Variants in TRPC7 observed in about 807,000 individuals in gnomAD.
The protein encoded by TRPC7 is short transient receptor potential channel 7.
A neutral mutation model predicts 90.1 loss-of-function variants in TRPC7; 42 were observed. The observed-to-expected ratio is 0.47, with a 90% CI of 0.36 to 0.60. TRPC7 has a LOEUF of 0.60. Among genes scored for constraint, TRPC7 ranks in the 20% least tolerant of loss-of-function variants. The probability of loss-of-function intolerance (pLI) is 0.00; values close to 1 mark genes in which losing one functional copy is unlikely to be tolerated. For missense variants in TRPC7, 955 were observed against 1,112.3 expected (o/e 0.86, Z 2.01); for synonymous variants, 451 against 436.3 (o/e 1.03, Z -0.42).
chr5:136,364,225 T>C (rs1469007820), intron 1 of TRPC7, among the ~76,000 whole-genome samples: 1 of 152,228 alleles, frequency 6.6e-6, no homozygotes, highest in Non-Finnish European at 1.5e-5. Context: ...TAGTTCTGAT[T>C]TTTTTCTGGG....
chr5:136,218,325 A>T (rs74614268), intron 10 of TRPC7, among the ~76,000 whole-genome samples: 2,137 of 151,968 alleles, frequency 0.014, 42 homozygotes, highest in African/African-American at 0.042. Context: ...ATGAAAAAAA[A>T]AATAACAAAA....
chr5:136,235,018 A>G (rs1326421896), intron 7 of TRPC7, among the ~76,000 whole-genome samples: 1 of 152,248 alleles, frequency 6.6e-6, no homozygotes, highest in Non-Finnish European at 1.5e-5. Flanking sequence ...AAACACTAGA[A>G]TAAAGTATTG....
intron 2 of TRPC7, among the ~76,000 whole-genome samples, chr5:136,345,833 G>A (rs545945840): frequency 1.2e-4 from 18 of 152,248 alleles, no homozygotes; most frequent in Non-Finnish European, 2.6e-4. Context: ...ATGGTTTTAA[G>A]TCTAACATTT....
In TRPC7 at chr5:136,247,624, C is replaced by T. The variant is rs1756383480; in HGVS notation, c.1691G>A (p.Ser564Asn). Residue 564 changes from serine (S) to asparagine (N), a missense_variant, in exon 7 of 12, where the codon AGT (serine) becomes AAT (asparagine). Coordinates refer to ENST00000513104, the MANE Select transcript of TRPC7 (RefSeq NM_020389.3). This position sits in a 1 kb window ranked among gnomAD's most constrained non-coding sequence, Gnocchi z 4.2. ...RIAYILPANE[S>N]FGPLQISLGR... ...TAGCGAGATCTGCAGGGGCCCAAAA[C>T]TCTCGTTGGCTGGCAGAATGTATGC... The T allele has an allele frequency of 6.2e-7, 1 of 1,614,024 alleles. No homozygotes were observed. Among genetic ancestry groups the T allele is most frequent in the African/African-American group, 1.3e-5 (1 of 75,060 alleles).
intron 2 of TRPC7, among the ~76,000 whole-genome samples, chr5:136,336,596 G>A (rs1375202821): frequency 6.6e-6 from 1 of 151,742 alleles, no homozygotes; most frequent in African/African-American, 2.4e-5. Flanking sequence ...TGCCACGTTG[G>A]TTTGCTGCAC....
rs76426827 is a variant in TRPC7 at position 136,228,837 on chromosome 5, G to A, written c.2040+2517C>T. Among the ~76,000 whole-genome samples the A allele has an allele frequency of 2.0e-3, 298 of 152,328 alleles. 2 individuals carry two copies. The highest frequency in any genetic ancestry group is 0.012 in the East Asian group (61 of 5,180). On this transcript the variant is annotated intron_variant, in intron 8 of 11. Coordinates refer to ENST00000513104, the MANE Select transcript of TRPC7 (RefSeq NM_020389.3). The stretch of plus-strand genomic sequence containing the variant: ...CAGTAAGACAGAAGTCCAGAGCCCA[G>A]AGGGAGGTGTGGGGCTGTAATACAC...
chr5:136,281,724 C>G (rs527346003), intron 3 of TRPC7, among the ~76,000 whole-genome samples: 9 of 152,338 alleles, frequency 5.9e-5, no homozygotes, highest in African/African-American at 2.2e-4. Flanking sequence ...GTCTCAATTT[C>G]TCTACTTATG....
intron 6 of TRPC7, among the ~76,000 whole-genome samples, chr5:136,251,131 C>T (rs1037359029): frequency 1.3e-5 from 2 of 152,156 alleles, no homozygotes; most frequent in Admixed American, 1.3e-4. Context: ...TCTCAATCTA[C>T]TACATCAAAC....
In TRPC7 at chr5:136,247,760, T is replaced by G; in HGVS notation, c.1580-25A>C. ...GCTAAAAGAAAACAATCTGGGTTACTCACGAGGCCACAGGATCTATTCTAG... is the reference window on the plus strand; with the variant it reads ...GCTAAAAGAAAACAATCTGGGTTACGCACGAGGCCACAGGATCTATTCTAG... On this transcript the variant is annotated intron_variant, in intron 6 of 11. Coordinates refer to ENST00000513104, the MANE Select transcript of TRPC7 (RefSeq NM_020389.3). This position sits in a 1 kb window ranked among gnomAD's most constrained non-coding sequence, Gnocchi z 4.2. 1 of 1,602,898 alleles carries G rather than the reference T, an allele frequency of 6.2e-7. No homozygotes were observed. Among genetic ancestry groups the G allele is most frequent in the Non-Finnish European group, 8.5e-7 (1 of 1,173,322 alleles).
intron 7 of TRPC7, among the ~76,000 whole-genome samples, chr5:136,244,408 G>A (rs1379199842): frequency 2.0e-5 from 3 of 152,210 alleles, no homozygotes; most frequent in Non-Finnish European, 2.9e-5. Context: ...CAGGCTCTCC[G>A]TAGAGGAGGG....
intron 6 of TRPC7, among the ~76,000 whole-genome samples, chr5:136,249,911 A>C (rs1756465013): frequency 6.6e-6 from 1 of 152,232 alleles, no homozygotes; most frequent in Non-Finnish European, 1.5e-5. Context: ...AGAAATCCAA[A>C]GGATTTCCAA....
At chr5:136,317,274 C>G (rs568992174) in intron 2 of TRPC7, among the ~76,000 whole-genome samples, 39 of 152,166 alleles carry the variant, frequency 2.6e-4, no homozygotes, top group Non-Finnish European at 5.4e-4. Context: ...GAGCCATGCT[C>G]TACACTCCTC....
At chr5:136,227,338 G>A (rs1404134231) in intron 8 of TRPC7, among the ~76,000 whole-genome samples, 1 of 152,170 alleles carries the variant, frequency 6.6e-6, no homozygotes, top group Non-Finnish European at 1.5e-5. Flanking sequence ...CTTTAGGCAG[G>A]TGTCTTGAGC....
chr5:136,273,897 T>C (rs1757279186), intron 4 of TRPC7, among the ~76,000 whole-genome samples: 1 of 152,224 alleles, frequency 6.6e-6, no homozygotes, highest in Non-Finnish European at 1.5e-5. Context: ...TGCTGTTACT[T>C]TCTACGGCTT....
At chr5:136,220,471 T>A (rs1755417539) in intron 10 of TRPC7, among the ~76,000 whole-genome samples, 1 of 152,190 alleles carries the variant, frequency 6.6e-6, no homozygotes, top group Non-Finnish European at 1.5e-5. Flanking sequence ...AACTGAAATA[T>A]GCCCTGGTCT....
chr5:136,357,286 G>A lies in TRPC7; in HGVS notation c.102C>T (p.Asn34=), dbSNP rs368448135. ...CGGGCGTCAGACTGGTGCCCTTCTC[G>A]TTGAACATGTAGGCGGGACCCCGGA... The part of the protein sequence containing the change: ...QAIRGPAYMF[N]EKGTSLTPEE... Residue 34 remains asparagine, a synonymous_variant, in exon 2 of 12, where the codon AAC becomes AAT. Transcript: ENST00000513104. 5.0e-6 allele frequency: 8 copies of A among 1,612,530 alleles called. No homozygotes were observed. In the African/African-American group the frequency reaches 6.7e-5, roughly 13 times the overall value.
At chr5:136,216,169 TCAC>T in intron 11 of TRPC7, 28 bp downstream of exon 11, 1 of 1,582,958 alleles carries the variant, frequency 6.3e-7, no homozygotes, top group Non-Finnish European at 8.6e-7. Context: ...TTGTTTTAAA[TCAC>T]CACGTGGGTG....
intron 3 of TRPC7, among the ~76,000 whole-genome samples, chr5:136,290,118 C>T (rs1267145179): frequency 5.3e-5 from 8 of 152,090 alleles, no homozygotes; most frequent in African/African-American, 1.9e-4. Flanking sequence ...ACAGAAAGGA[C>T]ATCCACACCA....
intron 8 of TRPC7, chr5:136,226,484 G>A (rs745467968): frequency 2.2e-5 from 12 of 553,258 alleles, no homozygotes; most frequent in Non-Finnish European, 3.2e-5. Context: ...GAAAAGCCTC[G>A]ACCAGTTCAT....
Sources: allele counts gnomAD v4.1 joint callset (sites outside exome capture counted in the v4.1 genomes callset), GRCh38; gene constraint gnomAD v4.1.1; non-coding constraint Gnocchi (gnomAD v3.1); transcripts MANE v1.5; gene names NCBI Gene and HGNC (gene_info 2026-07-23, HGNC 2026-07-21).